The following ZNF804A variants were observed in gnomAD, a reference collection of about 807,000 sequenced individuals.
The protein encoded by ZNF804A is zinc finger protein 804A.
ZNF804A carries 2 observed loss-of-function variants against 16.5 expected under a neutral mutation model. That is an observed-to-expected ratio of 0.12 (90% confidence interval 0.05 to 0.38). ZNF804A has a LOEUF of 0.38. ZNF804A is among the 10% of genes least tolerant of loss of function. The pLI is 0.99. For synonymous variants in ZNF804A, 534 were observed against 489.6 expected (o/e 1.09, Z -1.20); for missense variants, 1,473 against 1,390.7 (o/e 1.06, Z -0.94).
intron 1 of ZNF804A, among the ~76,000 whole-genome samples, chr2:184,717,024 T>C (rs1693225842): frequency 1.3e-5 from 2 of 152,044 alleles, no homozygotes; most frequent in Non-Finnish European, 2.9e-5. Context: ...TCTAAAATCA[T>C]AATATAATAA....
At chr2:184,647,180 G>A (rs1289298835) in intron 1 of ZNF804A, among the ~76,000 whole-genome samples, 11 of 152,194 alleles carry the variant, frequency 7.2e-5, no homozygotes, top group Non-Finnish European at 1.5e-4. Flanking sequence ...CTAGGAAGGA[G>A]GAGATAGGAA....
intron 1 of ZNF804A, among the ~76,000 whole-genome samples, chr2:184,686,579 T>C (rs1692637506): frequency 6.6e-6 from 1 of 152,226 alleles, no homozygotes; most frequent in Non-Finnish European, 1.5e-5. Context: ...AGCATTGAGT[T>C]GAATGATAGC....
At chr2:184,891,022 G>T (rs1030998523) in intron 2 of ZNF804A, among the ~76,000 whole-genome samples, 1 of 151,954 alleles carries the variant, frequency 6.6e-6, no homozygotes, top group African/African-American at 2.4e-5. Flanking sequence ...GAGAACAAAA[G>T]ATAAAATAGT....
At chr2:184,890,695 T>C (rs2105822101) in intron 2 of ZNF804A, among the ~76,000 whole-genome samples, 1 of 151,964 alleles carries the variant, frequency 6.6e-6, no homozygotes, top group Non-Finnish European at 1.5e-5. Context: ...TATTAAAATA[T>C]AACAGTCCTT....
At chr2:184,651,636 G>A (rs1334342921) in intron 1 of ZNF804A, among the ~76,000 whole-genome samples, 1 of 151,798 alleles carries the variant, frequency 6.6e-6, no homozygotes, top group African/African-American at 2.4e-5. Context: ...GCAAAAAATA[G>A]GAACAGACAC....
intron 1 of ZNF804A, among the ~76,000 whole-genome samples, chr2:184,761,978 T>C (rs775418512): frequency 2.6e-5 from 4 of 152,094 alleles, no homozygotes; most frequent in Non-Finnish European, 5.9e-5. Flanking sequence ...TCCAACCCAA[T>C]GGAAGCATAT....
intron 1 of ZNF804A, among the ~76,000 whole-genome samples, chr2:184,618,326 A>G (rs953687322): frequency 6.6e-6 from 1 of 152,180 alleles, no homozygotes; most frequent in Non-Finnish European, 1.5e-5. Context: ...AAAAGTTTTC[A>G]GCAAAGACAT....
chr2:184,886,216 G>A (rs1190038288), intron 2 of ZNF804A, among the ~76,000 whole-genome samples: 1 of 152,218 alleles, frequency 6.6e-6, no homozygotes, highest in African/African-American at 2.4e-5. Context: ...CAGCTGGACA[G>A]TAAAATCTTA....
Position 184,598,861 on chromosome 2 carries a change from C to G in ZNF804A, c.-99C>G. ...CGGGGGTGGCTGCGTGCCCTCGTGG[C>G]GGGTTCCCAGCCCACCGTCGCCGGC... On this transcript the variant is annotated 5_prime_UTR_variant, in exon 1 of 4. Coordinates refer to ENST00000302277, the MANE Select transcript of ZNF804A (RefSeq NM_194250.2). The G allele has an allele frequency of 1.6e-6, 1 of 627,112 alleles. No homozygotes were observed. The highest frequency in any genetic ancestry group is 2.5e-6 in the Non-Finnish European group (1 of 405,144). The allele number at this position is 627,112 out of a possible 1,614,324, so 38.8% of individuals were successfully genotyped here.
intron 1 of ZNF804A, among the ~76,000 whole-genome samples, chr2:184,685,991 G>A (rs924068084): frequency 1.3e-5 from 2 of 152,222 alleles, no homozygotes; most frequent in African/African-American, 4.8e-5. Context: ...GGGGGCTGAG[G>A]TGGCAGGGGC....
At chr2:184,824,798 G>A (rs1049619240) in intron 1 of ZNF804A, among the ~76,000 whole-genome samples, 7 of 152,106 alleles carry the variant, frequency 4.6e-5, no homozygotes, top group Non-Finnish European at 1.0e-4. Context: ...CACATGTCTA[G>A]GAGCTCATGC....
chr2:184,835,789 T>C (rs1036393731), intron 1 of ZNF804A, among the ~76,000 whole-genome samples: 3 of 151,498 alleles, frequency 2.0e-5, no homozygotes, highest in Admixed American at 6.6e-5. Flanking sequence ...AGACACAGAG[T>C]TGAAGGTTCA....
At position 184,931,749 on chromosome 2, in the gene ZNF804A, A is replaced by G. The variant is rs567586556; in HGVS notation, c.256-1854A>G. On this transcript the variant is annotated intron_variant, in intron 2 of 3. Transcript: ENST00000302277. ...CCGCAGCCAGCTTGAATTTCTCCTCAGAAAATGGGTTTTTCTTTTCTATCG... is the reference window on the plus strand; with the variant it reads ...CCGCAGCCAGCTTGAATTTCTCCTCGGAAAATGGGTTTTTCTTTTCTATCG... Among the ~76,000 whole-genome samples the G allele has an allele frequency of 8.5e-5, 13 of 152,288 alleles. 1 individual carries two copies. The highest frequency in any genetic ancestry group is 3.1e-4 in the African/African-American group (13 of 41,568).
intron 2 of ZNF804A, among the ~76,000 whole-genome samples, chr2:184,927,947 C>A (rs1458246097): frequency 6.6e-6 from 1 of 152,046 alleles, no homozygotes; most frequent in Admixed American, 6.6e-5. Context: ...TCAGGGACCC[C>A]AAGAGATCAT....
intron 1 of ZNF804A, among the ~76,000 whole-genome samples, chr2:184,794,528 T>C (rs899821750): frequency 6.6e-6 from 1 of 152,100 alleles, no homozygotes; most frequent in African/African-American, 2.4e-5. Flanking sequence ...GAGTTGTCTG[T>C]TTACTGACTT....
At chr2:184,616,544 C>T (rs181853818) in intron 1 of ZNF804A, among the ~76,000 whole-genome samples, 1 of 152,176 alleles carries the variant, frequency 6.6e-6, no homozygotes, top group Non-Finnish European at 1.5e-5. Context: ...TATCGTTCTT[C>T]CCTTCCAAAG....
At chr2:184,633,573 C>T (rs1691645776) in intron 1 of ZNF804A, among the ~76,000 whole-genome samples, 1 of 152,062 alleles carries the variant, frequency 6.6e-6, no homozygotes, top group Non-Finnish European at 1.5e-5. Context: ...GATTATTCTT[C>T]AAATTATAAG....
chr2:184,880,885 G>T (rs1244298003), intron 2 of ZNF804A, among the ~76,000 whole-genome samples: 1 of 151,884 alleles, frequency 6.6e-6, no homozygotes. Flanking sequence ...ATCTCTTAAA[G>T]GTCTCATCTT....
chr2:184,745,064 A>C (rs1693768488), intron 1 of ZNF804A, among the ~76,000 whole-genome samples: 1 of 151,806 alleles, frequency 6.6e-6, no homozygotes, highest in Non-Finnish European at 1.5e-5. Flanking sequence ...TGCTCTAAGG[A>C]TTGAGTTATT....
Sources: allele counts gnomAD v4.1 joint callset (sites outside exome capture counted in the v4.1 genomes callset), GRCh38; gene constraint gnomAD v4.1.1; transcripts MANE v1.5; gene names NCBI Gene and HGNC (gene_info 2026-07-23, HGNC 2026-07-21).